Variants in AGBL4 observed in about 807,000 individuals in gnomAD.
AGBL4 encodes the protein cytosolic carboxypeptidase 6.
In AGBL4, 58 loss-of-function variants were observed where a neutral mutation model predicts 66.4. That is an observed-to-expected ratio of 0.87 (90% confidence interval 0.71 to 1.09). The LOEUF (loss-of-function observed/expected upper bound fraction) is 1.09, where lower values mean the gene tolerates loss of function less well. AGBL4 is among the 50% of genes least tolerant of loss of function. AGBL4 has a pLI of 0.00. For synonymous variants in AGBL4, 234 were observed against 222.9 expected (o/e 1.05, Z -0.44); for missense variants, 579 against 631.0 (o/e 0.92, Z 0.88).
chr1:49,920,972 C>T (rs1490781506), intron 1 of AGBL4, among the ~76,000 whole-genome samples: 2 of 152,176 alleles, frequency 1.3e-5, no homozygotes, highest in African/African-American at 4.8e-5. Context: ...CTATCATTCT[C>T]AGCAAACTAT....
At chr1:49,430,405 C>A (rs2148655896) in intron 3 of AGBL4, among the ~76,000 whole-genome samples, 1 of 152,022 alleles carries the variant, frequency 6.6e-6, no homozygotes, top group East Asian at 1.9e-4. Context: ...TTTTCTTTTC[C>A]CTAGCTCACC....
At chr1:49,564,781 C>G (rs1411759445) in intron 3 of AGBL4, among the ~76,000 whole-genome samples, 2 of 152,134 alleles carry the variant, frequency 1.3e-5, no homozygotes, top group African/African-American at 4.8e-5. Context: ...AATGTATATT[C>G]TGTTGATTTG....
intron 11 of AGBL4, among the ~76,000 whole-genome samples, chr1:48,582,061 C>T (rs1225836644): frequency 6.6e-6 from 1 of 152,212 alleles, no homozygotes; most frequent in East Asian, 1.9e-4. Flanking sequence ...GCTTTGCATA[C>T]ATTTTAGATG....
intron 6 of AGBL4, among the ~76,000 whole-genome samples, chr1:48,715,167 C>G (rs1647029505): frequency 1.3e-5 from 2 of 152,022 alleles, no homozygotes; most frequent in African/African-American, 4.8e-5. Flanking sequence ...AGGGAGAGGA[C>G]TTGATAAGCA....
At chr1:49,469,799 C>G (rs538960639) in intron 3 of AGBL4, 3 of 151,936 alleles carry the variant, frequency 2.0e-5, no homozygotes, top group African/African-American at 7.2e-5. Flanking sequence ...GTGTTCTCAC[C>G]TCCATTCACT....
chr1:48,530,366 A>G (rs140406049), downstream of AGBL4, among the ~76,000 whole-genome samples: 238 of 152,282 alleles, frequency 1.6e-3, no homozygotes, highest in African/African-American at 5.5e-3. Flanking sequence ...GGATGTATGA[A>G]TCGATGCTGC....
intron 4 of AGBL4, among the ~76,000 whole-genome samples, chr1:49,151,885 T>A (rs978179523): frequency 6.6e-6 from 1 of 152,108 alleles, no homozygotes; most frequent in Admixed American, 6.6e-5. Context: ...TCCCAGAACA[T>A]TTTTGGAAAT....
At chr1:48,876,991 C>T (rs1253867708) in intron 5 of AGBL4, among the ~76,000 whole-genome samples, 1 of 152,170 alleles carries the variant, frequency 6.6e-6, no homozygotes, top group Non-Finnish European at 1.5e-5. Flanking sequence ...AAATCACACA[C>T]TGCTGGGATG....
intron 3 of AGBL4, among the ~76,000 whole-genome samples, chr1:49,654,150 A>G (rs1646068435): frequency 6.6e-6 from 1 of 152,210 alleles, no homozygotes; most frequent in Non-Finnish European, 1.5e-5. Context: ...ACAAGCCAGA[A>G]GAGATTGGGG....
chr1:49,465,210 TACACAC>T (rs3054630), intron 3 of AGBL4, among the ~76,000 whole-genome samples: 12,677 of 116,752 alleles, frequency 0.11, 583 homozygotes, highest in African/African-American at 0.19. Flanking sequence ...TACCCCTACA[TACACAC>T]ACACACACAC....
At position 49,849,956 on chromosome 1, in the gene AGBL4, T is replaced by G. The variant is rs139286977; in HGVS notation, c.157+1440A>C. On this transcript the variant is annotated intron_variant, in intron 2 of 13. Coordinates refer to ENST00000371839, the MANE Select transcript of AGBL4 (RefSeq NM_032785.4). ...ATAAGAAAGAATCAAAGATATTATG[T>G]AGGCATCAAGTACATACAAGACAAG... 1.4e-4 allele frequency among the ~76,000 whole-genome samples: 21 copies of G among 152,318 alleles called. No homozygotes were observed. The East Asian group carries it at 4.1e-3, about 29-fold the overall frequency.
chr1:49,073,177 C>T (rs1163295029), intron 4 of AGBL4, among the ~76,000 whole-genome samples: 1 of 152,110 alleles, frequency 6.6e-6, no homozygotes, highest in Admixed American at 6.6e-5. Context: ...AGCTTCTTTG[C>T]ATTGGGTTAG....
intron 3 of AGBL4, among the ~76,000 whole-genome samples, chr1:49,695,089 G>C (rs968733855): frequency 6.6e-6 from 1 of 152,008 alleles, no homozygotes; most frequent in South Asian, 2.1e-4. Context: ...TTAGGAGTTA[G>C]TGGGTTCCTG....
At position 49,343,612 on chromosome 1, in the gene AGBL4, C is replaced by T. The variant is rs146345185; in HGVS notation, c.283-97748G>A. ...TTTGGGGAATGTCATTGTAGTAAAA[C>T]GCATGATAAAAGCATTGCACTTTCT... On this transcript the variant is annotated intron_variant, in intron 3 of 13. Coordinates refer to ENST00000371839, the MANE Select transcript of AGBL4 (RefSeq NM_032785.4). Among the ~76,000 whole-genome samples the T allele has an allele frequency of 3.0e-3, 457 of 152,242 alleles. 4 individuals carry two copies. Among genetic ancestry groups the T allele is most frequent in the African/African-American group, 0.011 (443 of 41,546 alleles).
At chr1:48,704,631 C>T (rs1245983016) in intron 6 of AGBL4, among the ~76,000 whole-genome samples, 6 of 152,104 alleles carry the variant, frequency 3.9e-5, no homozygotes, top group South Asian at 2.1e-4. Context: ...CCTAGGCCCA[C>T]GCAAGGTCAG....
intron 3 of AGBL4, among the ~76,000 whole-genome samples, chr1:49,427,476 G>A (rs763976349): frequency 6.6e-6 from 1 of 152,216 alleles, no homozygotes; most frequent in Non-Finnish European, 1.5e-5. Flanking sequence ...GTTCCTTCCG[G>A]TGGGTTCTTG....
chr1:49,226,981 G>A (rs1303331361), intron 4 of AGBL4, among the ~76,000 whole-genome samples: 3 of 152,116 alleles, frequency 2.0e-5, no homozygotes, highest in Non-Finnish European at 4.4e-5. Context: ...TGGAGAAAGA[G>A]GCAGCCTCTG....
chr1:49,359,499 C>A (rs914133664), intron 3 of AGBL4, among the ~76,000 whole-genome samples: 2 of 152,056 alleles, frequency 1.3e-5, no homozygotes, highest in Non-Finnish European at 2.9e-5. Flanking sequence ...ATAAAACAAA[C>A]AACAAAAACA....
At chr1:48,546,541 G>A (rs944944333) in intron 11 of AGBL4, among the ~76,000 whole-genome samples, 36 of 152,178 alleles carry the variant, frequency 2.4e-4, no homozygotes, top group African/African-American at 8.2e-4. Context: ...AAAAGGGTCC[G>A]AAGGCCCATG....
Sources: gnomAD v4.1 joint callset for allele counts (sites outside exome capture counted in the v4.1 genomes callset) on GRCh38, gnomAD v4.1.1 for gene constraint, MANE v1.5 for transcripts, NCBI Gene and HGNC (gene_info 2026-07-23, HGNC 2026-07-21) for gene names.